Variants in ANXA4 observed in about 807,000 individuals in gnomAD.
The protein encoded by ANXA4 is annexin A4, also known as 35-beta calcimedin.
In ANXA4, 39 loss-of-function variants were observed where a neutral mutation model predicts 49.8. The ratio of observed to expected loss-of-function variants is 0.78; its 90% CI spans 0.61 to 1.02. The LOEUF is 1.02. ANXA4 is among the 50% of genes least tolerant of loss of function. The pLI is 0.00. For synonymous variants in ANXA4, 134 were observed against 152.5 expected, an observed-to-expected ratio of 0.88 and a Z score of 0.89; for missense variants, 360 against 410.1, an observed-to-expected ratio of 0.88 and a Z score of 1.05.
intron 1 of ANXA4, among the ~76,000 whole-genome samples, chr2:69,647,695 C>A (rs930894221): frequency 2.6e-5 from 4 of 151,188 alleles, no homozygotes; most frequent in African/African-American, 9.7e-5. Context: ...AGGCATGAGC[C>A]ACCACGCCCA....
intron 3 of ANXA4, 65 bp downstream of exon 3, chr2:69,788,206 G>A: frequency 4.1e-6 from 6 of 1,450,824 alleles, no homozygotes; most frequent in Non-Finnish European, 5.8e-6. Flanking sequence ...ACACAGGAGG[G>A]TGCCATGTCT....
intron 2 of ANXA4, among the ~76,000 whole-genome samples, chr2:69,673,373 G>A (rs1387712394): frequency 6.6e-6 from 1 of 151,946 alleles, no homozygotes; most frequent in Non-Finnish European, 1.5e-5. Context: ...GATGAAGCTG[G>A]ACCATCATTC....
intron 2 of ANXA4, among the ~76,000 whole-genome samples, chr2:69,668,020 C>T (rs1256580902): frequency 1.3e-5 from 2 of 152,184 alleles, no homozygotes; most frequent in Admixed American, 1.3e-4. Flanking sequence ...CGTCTCATGT[C>T]TGATAACATT....
At chr2:69,647,415 TATTTA>T (rs1390282653) in intron 1 of ANXA4, among the ~76,000 whole-genome samples, 139 of 146,028 alleles carry the variant, frequency 9.5e-4, no homozygotes, top group African/African-American at 3.4e-3. Flanking sequence ...TTTATTTATT[TATTTA>T]TTTTTTGAGA....
chr2:69,791,141 A>T (rs986123090), intron 3 of ANXA4, among the ~76,000 whole-genome samples: 6 of 152,132 alleles, frequency 3.9e-5, no homozygotes, highest in Non-Finnish European at 5.9e-5. Context: ...AGTTGGATAA[A>T]TTTTTTTCCT....
chr2:69,720,111 G>T (rs1483098842), intron 2 of ANXA4, among the ~76,000 whole-genome samples: 1 of 152,196 alleles, frequency 6.6e-6, no homozygotes, highest in Non-Finnish European at 1.5e-5. Context: ...AAGCAGACTA[G>T]AGACTATTTC....
intron 2 of ANXA4, chr2:69,720,687 T>G (rs1669791435): frequency 6.6e-6 from 1 of 152,188 alleles, no homozygotes; most frequent in African/African-American, 2.4e-5. Context: ...CAGTTGGTAA[T>G]TAGACATTCT....
chr2:69,792,093 C>T (rs772882149), intron 3 of ANXA4, among the ~76,000 whole-genome samples: 8 of 152,126 alleles, frequency 5.3e-5, no homozygotes, highest in Non-Finnish European at 1.0e-4. Context: ...TTCAGGGGTC[C>T]TCTGCAGCAC....
At position 69,725,418 on chromosome 2, in the gene ANXA4, ATATT is replaced by A. The variant is rs550627724; in HGVS notation, n.864+4556_864+4559del. ...AATACATGGTATATTTATTATTTAT[ATATT>A]TATTTATTGTATATTTATTTAAATA... On this transcript the variant is annotated intron_variant and non_coding_transcript_variant, in intron 3 of 3. Coordinates refer to the ANXA4 transcript ENST00000418066. Among the ~76,000 whole-genome samples, 32 of 148,850 alleles carry A rather than the reference ATATT, an allele frequency of 2.1e-4. No individual in the cohort carries two copies. The East Asian group carries it at 6.0e-3, about 28-fold the overall frequency.
chr2:69,669,295 A>AT (rs1677066651), intron 2 of ANXA4, among the ~76,000 whole-genome samples: 5 of 151,800 alleles, frequency 3.3e-5, no homozygotes, highest in Non-Finnish European at 5.9e-5. Context: ...TAAGGGTGTA[A>AT]CCAAACAAAT....
chr2:69,819,440 C>T, intron 11 of ANXA4, 102 bp downstream of exon 11: 2 of 793,256 alleles, frequency 2.5e-6, no homozygotes, highest in Middle Eastern at 2.6e-4. Context: ...TCTGAAAGAT[C>T]CAATTCAATT....
At chr2:69,655,536 A>T (rs992829428) in intron 2 of ANXA4, among the ~76,000 whole-genome samples, 7 of 152,206 alleles carry the variant, frequency 4.6e-5, no homozygotes, top group Non-Finnish European at 8.8e-5. Context: ...CAACAGATGC[A>T]GGAGAGGATG....
At chr2:69,708,997 T>C (rs1678592020) in intron 2 of ANXA4, among the ~76,000 whole-genome samples, 1 of 152,116 alleles carries the variant, frequency 6.6e-6, no homozygotes, top group Admixed American at 6.6e-5. Context: ...TCAGCAAACA[T>C]ATATAGTGTG....
At chr2:69,798,199 T>G (rs1673025900) in intron 3 of ANXA4, among the ~76,000 whole-genome samples, 1 of 152,118 alleles carries the variant, frequency 6.6e-6, no homozygotes, top group South Asian at 2.1e-4. Context: ...AGTTAAATAG[T>G]CTTTGAGATC....
At chr2:69,799,475 G>A (rs967494065) in intron 3 of ANXA4, among the ~76,000 whole-genome samples, 27 of 152,294 alleles carry the variant, frequency 1.8e-4, no homozygotes, top group African/African-American at 6.5e-4. Context: ...TAGAAGAGAA[G>A]TGATTTTTTT....
intron 2 of ANXA4, among the ~76,000 whole-genome samples, chr2:69,708,053 T>G (rs1044371952): frequency 6.6e-6 from 1 of 152,228 alleles, no homozygotes; most frequent in African/African-American, 2.4e-5. Flanking sequence ...GTGCCCAACA[T>G]AGAACATAAT....
Position 69,788,041 on chromosome 2 carries a change from C to T in ANXA4, c.10-13C>T, listed in dbSNP as rs1227723594. On this transcript the variant is annotated splice_polypyrimidine_tract_variant and intron_variant, in intron 2 of 12. Transcript: ENST00000394295. ...GGCTGCCTCTCAGTAACATCACTCT[C>T]TTGTGTGCTCAGGCAACCAAAGGAG... The T allele has an allele frequency of 3.1e-6, 5 of 1,611,818 alleles. No homozygotes were observed. Among genetic ancestry groups the T allele is most frequent in the African/African-American group, 1.3e-5 (1 of 74,884 alleles).
At chr2:69,697,681 A>G (rs777539866) in intron 2 of ANXA4, among the ~76,000 whole-genome samples, 4 of 152,208 alleles carry the variant, frequency 2.6e-5, no homozygotes, top group Non-Finnish European at 5.9e-5. Context: ...TTGAACACTG[A>G]GAGGCCATCG....
At chr2:69,721,531 T>C (rs890329992) in intron 3 of ANXA4, among the ~76,000 whole-genome samples, 1 of 152,086 alleles carries the variant, frequency 6.6e-6, no homozygotes, top group South Asian at 2.1e-4. Flanking sequence ...AGACCCTGTC[T>C]CTACAAAAAA....
Sources: gnomAD v4.1 joint callset for allele counts (sites outside exome capture counted in the v4.1 genomes callset) on GRCh38, gnomAD v4.1.1 for gene constraint, MANE v1.5 for transcripts, NCBI Gene and HGNC (gene_info 2026-07-23, HGNC 2026-07-21) for gene names.